PRKCZ: variants seen among roughly 807,000 people sequenced by gnomAD.
PRKCZ encodes the protein protein kinase C zeta type.
PRKCZ carries 33 observed loss-of-function variants against 79.5 expected under a neutral mutation model. That is an observed-to-expected ratio of 0.41 (90% CI 0.31 to 0.55). The LOEUF (loss-of-function observed/expected upper bound fraction) is 0.55, where lower values mean the gene tolerates loss of function less well. Among genes scored for constraint, PRKCZ ranks in the 20% least tolerant of loss-of-function variants. The pLI, the probability that PRKCZ is intolerant of heterozygous loss-of-function variation, is 0.19. For missense variants in PRKCZ, 578 were observed against 813.5 expected (o/e 0.71, Z 3.52); for synonymous variants, 342 against 320.9 (o/e 1.07, Z -0.70).
At chr1:2,134,467 A>G (rs1675744471) in intron 4 of PRKCZ, among the ~76,000 whole-genome samples, 1 of 152,190 alleles carries the variant, frequency 6.6e-6, no homozygotes, top group South Asian at 2.1e-4. Context: ...TCCGTTTCAA[A>G]GAGTTTTGGA....
intron 4 of PRKCZ, among the ~76,000 whole-genome samples, chr1:2,124,339 G>A (rs78520624): frequency 5.2e-3 from 63 of 12,016 alleles, no homozygotes; most frequent in African/African-American, 0.046. Flanking sequence ...TCACGGTGGT[G>A]GTTAGGGTCA....
chr1:2,057,365 C>A (rs1231665328), intron 3 of PRKCZ, among the ~76,000 whole-genome samples: 1 of 152,198 alleles, frequency 6.6e-6, no homozygotes, highest in East Asian at 1.9e-4. Context: ...GCGCTGTGGC[C>A]AGCCGGTCAC....
At position 2,074,221 on chromosome 1, in the gene PRKCZ, C is replaced by T. The variant is rs562081690; in HGVS notation, c.334+14630C>T. The T allele has an allele frequency of 7.7e-5, 120 of 1,550,402 alleles. 1 individual carries two copies. In the South Asian group the frequency reaches 1.0e-3, roughly 13 times the overall value. The stretch of plus-strand genomic sequence containing the variant: ...TTAGAAAAATAAGGCTGTGGAGGGA[C>T]CTTCTGAGCGAGGCAGGGGCTGCTG... On this transcript the variant is annotated intron_variant, in intron 4 of 17. Coordinates refer to ENST00000378567, the MANE Select transcript of PRKCZ (RefSeq NM_002744.6).
intron 4 of PRKCZ, chr1:2,074,039 CTG>C: frequency 1.4e-6 from 2 of 1,439,848 alleles, no homozygotes; most frequent in South Asian, 1.5e-5. Flanking sequence ...CATTTTGGGT[CTG>C]AGTCCCGGCG....
At chr1:2,167,729 C>T (rs761558062) in intron 10 of PRKCZ, among the ~76,000 whole-genome samples, 4 of 152,116 alleles carry the variant, frequency 2.6e-5, no homozygotes, top group East Asian at 1.9e-4. Flanking sequence ...CTCAGCCTCC[C>T]GAGTAGCTGA....
intron 4 of PRKCZ, among the ~76,000 whole-genome samples, chr1:2,097,495 CTTGGACCCGGTGAGCCAGTGACTGGCG>C (rs1386793552): frequency 6.6e-6 from 1 of 152,196 alleles, no homozygotes; most frequent in Non-Finnish European, 1.5e-5. Flanking sequence ...CTTACCTGCC[CTTGGACCCGGTGAGCCAGTGACTGGCG>C]TAGGCTTTCA....
At chr1:2,176,995 A>T (rs929852958) in intron 16 of PRKCZ, among the ~76,000 whole-genome samples, 1 of 152,336 alleles carries the variant, frequency 6.6e-6, no homozygotes, top group East Asian at 1.9e-4. Context: ...CAAATTCTTC[A>T]TTTAAATTTA....
At chr1:2,099,893 A>G (rs2102574464) in intron 4 of PRKCZ, among the ~76,000 whole-genome samples, 1 of 152,338 alleles carries the variant, frequency 6.6e-6, no homozygotes, top group African/African-American at 2.4e-5. Context: ...AATCGGTGAA[A>G]GTGAGAAACT....
intron 4 of PRKCZ, among the ~76,000 whole-genome samples, chr1:2,081,471 A>G (rs1663502786): frequency 6.6e-6 from 1 of 151,800 alleles, no homozygotes; most frequent in South Asian, 2.1e-4. Context: ...GTGGGCATGG[A>G]CCCCCAGAAG....
At position 2,053,226 on chromosome 1, in the gene PRKCZ, T is replaced by C. The variant is rs141051667; in HGVS notation, c.72-2215T>C. 5.6e-3 allele frequency among the ~76,000 whole-genome samples: 855 copies of C among 152,078 alleles called. 4 individuals carry two copies. The highest frequency in any genetic ancestry group is 0.02 in the African/African-American group (822 of 41,516). On this transcript the variant is annotated intron_variant, in intron 1 of 17. Transcript: ENST00000378567. Reference sequence around the variant, plus strand: ...AGCAATTCTCCTGCTTCAGCCTCCCTAGTATCTAGGACTACAGACGCCCGC... The same window carrying C: ...AGCAATTCTCCTGCTTCAGCCTCCCCAGTATCTAGGACTACAGACGCCCGC...
chr1:2,149,467 C>T lies in PRKCZ; in HGVS notation c.687+543C>T, dbSNP rs896593467. 1.3e-5 allele frequency among the ~76,000 whole-genome samples: 2 copies of T among 152,196 alleles called. No individual in the cohort carries two copies. Among genetic ancestry groups the T allele is most frequent in the Non-Finnish European group, 2.9e-5 (2 of 68,026 alleles). On this transcript the variant is annotated intron_variant, in intron 8 of 17. Transcript: ENST00000378567. The surrounding 1 kb of genome is among the most constrained non-coding windows in gnomAD (Gnocchi z 4.1). ...AAAACCCAGGGAAGGACTGCACTAGCGAAGCCCACTCCTTTCCAGAGCACC... is the reference window on the plus strand; with the variant it reads ...AAAACCCAGGGAAGGACTGCACTAGTGAAGCCCACTCCTTTCCAGAGCACC...
At chr1:2,137,286 C>T (rs568063055) in intron 5 of PRKCZ, among the ~76,000 whole-genome samples, 3 of 152,262 alleles carry the variant, frequency 2.0e-5, no homozygotes, top group Non-Finnish European at 2.9e-5. Context: ...CCTGCTTTGC[C>T]CCAGCCGCAC....
In PRKCZ at chr1:2,050,623, A is replaced by T; in HGVS notation, c.-8A>T. 8.2e-7 allele frequency: 1 copy of T among 1,221,248 alleles called. No individual in the cohort carries two copies. The highest frequency in any genetic ancestry group is 1.0e-6 in the Non-Finnish European group (1 of 980,940). 75.7% of individuals were successfully genotyped at this position (1,221,248 alleles called of 1,614,324 possible). ...GCGCAGCGCTGACGGCGGCGGGGGG[A>T]GCGCGCCATGCCCAGCAGGACCGGC... is the stretch of plus-strand genomic sequence containing the variant. On this transcript the variant is annotated 5_prime_UTR_variant, in exon 1 of 18. Coordinates refer to ENST00000378567, the MANE Select transcript of PRKCZ (RefSeq NM_002744.6).
rs1679758480 is a variant in PRKCZ at position 2,150,881 on chromosome 1, G to A, written c.779G>A (p.Arg260His). Residue 260 changes from arginine to histidine, a missense_variant, in exon 9 of 18, where the codon CGC becomes CAC. Physicochemically the swap from Arg to His is conservative, Grantham distance 29. Coordinates refer to ENST00000378567, the MANE Select transcript of PRKCZ (RefSeq NM_002744.6). ...QDFDLIRVIG[R>H]GSYAKVLLVR... ...TTTGACCTAATCAGAGTCATCGGGCGCGGGAGCTACGCCAAGGTTCTCCTG... is the reference window on the plus strand; with the variant it reads ...TTTGACCTAATCAGAGTCATCGGGCACGGGAGCTACGCCAAGGTTCTCCTG... 1 of 1,614,064 alleles carries A rather than the reference G, an allele frequency of 6.2e-7. No individual in the cohort carries two copies. Among genetic ancestry groups the A allele is most frequent in the Non-Finnish European group, 8.5e-7 (1 of 1,180,042 alleles).
intron 4 of PRKCZ, among the ~76,000 whole-genome samples, chr1:2,060,950 C>T (rs1205782184): frequency 2.0e-5 from 3 of 152,182 alleles, no homozygotes; most frequent in South Asian, 2.1e-4. Flanking sequence ...CCCTGGAGCA[C>T]GCACCCTGGG....
Position 2,156,087 on chromosome 1 carries a change from A to G in PRKCZ, c.969A>G (p.Thr323=), listed in dbSNP as rs1477097944. 6.2e-7 allele frequency: 1 copy of G among 1,610,954 alleles called. No homozygotes were observed. Among genetic ancestry groups the G allele is most frequent in the East Asian group, 2.2e-5 (1 of 44,846 alleles). The change falls in exon 10 of 18, where the codon ACA becomes ACG. Residue 323 remains threonine (T), a synonymous_variant. Coordinates refer to ENST00000378567, the MANE Select transcript of PRKCZ (RefSeq NM_002744.6). ...GATTACACTCCTGCTTCCAGACGAC[A>G]AGTCGGTAAGAAAAAGAAGGGTATT... ...LVGLHSCFQT[T]SRLFLVIEYV...
intron 11 of PRKCZ, among the ~76,000 whole-genome samples, chr1:2,171,341 C>CGGG (rs1684389830): frequency 2.1e-5 from 1 of 48,090 alleles, no homozygotes; most frequent in Admixed American, 2.2e-4. Flanking sequence ...AACTCTGTCT[C>CGGG]AAAAAAAAAA....
At position 2,174,289 on chromosome 1, in the gene PRKCZ, C is replaced by T. The variant is rs987030301; in HGVS notation, c.1405+273C>T. On this transcript the variant is annotated intron_variant, in intron 14 of 17. Transcript: ENST00000378567. This position sits in a 1 kb window ranked among gnomAD's most constrained non-coding sequence, Gnocchi z 6.2. ...CTGGCCAGCAGCACATGCTGGAGCC[C>T]CAGCATGTCCTTGACCGAGGCTGTA... is the stretch of plus-strand genomic sequence containing the variant. 6.6e-6 allele frequency among the ~76,000 whole-genome samples: 1 copy of T among 152,180 alleles called. No individual in the cohort carries two copies. Among genetic ancestry groups the T allele is most frequent in the African/African-American group, 2.4e-5 (1 of 41,444 alleles).
At chr1:2,060,977 C>T (rs1202622174) in intron 4 of PRKCZ, among the ~76,000 whole-genome samples, 1 of 152,298 alleles carries the variant, frequency 6.6e-6, no homozygotes, top group Non-Finnish European at 1.5e-5. Flanking sequence ...CGGTTCACTG[C>T]GTTTTTATAG....
Sources: allele counts gnomAD v4.1 joint callset (sites outside exome capture counted in the v4.1 genomes callset), GRCh38; gene constraint gnomAD v4.1.1; non-coding constraint Gnocchi (gnomAD v3.1); transcripts MANE v1.5; gene names NCBI Gene and HGNC (gene_info 2026-07-23, HGNC 2026-07-21).